The following DSCAM variants were observed in gnomAD, a reference collection of about 807,000 sequenced individuals.
The protein encoded by DSCAM is DS cell adhesion molecule.
Under a neutral mutation model 217.7 loss-of-function variants are expected in DSCAM, and 47 were observed. The ratio of observed to expected loss-of-function variants is 0.22; its 90% CI spans 0.17 to 0.28. The LOEUF (loss-of-function observed/expected upper bound fraction) is 0.28. DSCAM is among the 10% of genes least tolerant of loss of function. DSCAM has a pLI of 1.00. For missense variants in DSCAM, 2,080 were observed against 2,618.3 expected (o/e 0.79, Z 4.49); for synonymous variants, 1,056 against 1,015.3 (o/e 1.04, Z -0.76).
intron 32 of DSCAM, among the ~76,000 whole-genome samples, chr21:40,022,546 A>G (rs931549123): frequency 1.1e-4 from 17 of 152,326 alleles, no homozygotes; most frequent in African/African-American, 4.8e-5. Flanking sequence ...TTCATGGAAG[A>G]AAATAAGAGA....
At chr21:40,339,095 T>C (rs764226894) in intron 7 of DSCAM, 24 bp downstream of exon 7, 2 of 1,612,026 alleles carry the variant, frequency 1.2e-6, no homozygotes, top group East Asian at 2.2e-5. Flanking sequence ...GTGTGTTTTT[T>C]TGAGGAGCTG....
chr21:40,497,684 C>T (rs1250570839), intron 3 of DSCAM, among the ~76,000 whole-genome samples: 1 of 152,106 alleles, frequency 6.6e-6, no homozygotes, highest in Non-Finnish European at 1.5e-5. Context: ...TTTAGCCATT[C>T]CCCAATGTAT....
intron 31 of DSCAM, among the ~76,000 whole-genome samples, chr21:40,043,643 C>T (rs150832396): frequency 5.3e-5 from 8 of 152,294 alleles, no homozygotes; most frequent in African/African-American, 1.7e-4. Context: ...ACGGATCAGC[C>T]TGTGTTCCCT....
intron 1 of DSCAM, among the ~76,000 whole-genome samples, chr21:40,838,363 A>C (rs1302680395): frequency 6.6e-6 from 1 of 152,176 alleles, no homozygotes; most frequent in Non-Finnish European, 1.5e-5. Flanking sequence ...ACCTCCCAAC[A>C]GCCCCCCTCA....
intron 1 of DSCAM, among the ~76,000 whole-genome samples, chr21:40,792,050 G>A (rs1203930896): frequency 1.3e-5 from 2 of 151,910 alleles, no homozygotes; most frequent in East Asian, 1.9e-4. Flanking sequence ...GTTTTTTCCT[G>A]AGGTTTATAT....
intron 3 of DSCAM, among the ~76,000 whole-genome samples, chr21:40,523,029 A>G (rs2076371708): frequency 1.3e-5 from 2 of 152,184 alleles, no homozygotes; most frequent in South Asian, 4.1e-4. Flanking sequence ...GTATTTATTA[A>G]TTTTGTTGAC....
chr21:40,479,590 G>A (rs746403564), intron 3 of DSCAM, among the ~76,000 whole-genome samples: 8 of 152,116 alleles, frequency 5.3e-5, no homozygotes, highest in Non-Finnish European at 8.8e-5. Flanking sequence ...AGTGTGCAGG[G>A]GAACTTCCCT....
intron 3 of DSCAM, among the ~76,000 whole-genome samples, chr21:40,622,365 T>C (rs983868078): frequency 2.8e-4 from 43 of 152,188 alleles, no homozygotes; most frequent in Non-Finnish European, 1.8e-4. Flanking sequence ...TTCATTGTCT[T>C]TGAGCTATTT....
chr21:40,420,471 A>G (rs746632966), intron 3 of DSCAM, among the ~76,000 whole-genome samples: 5 of 152,170 alleles, frequency 3.3e-5, no homozygotes, highest in Non-Finnish European at 7.3e-5. Context: ...AAACTGAGGG[A>G]ATCAAGTCAA....
intron 16 of DSCAM, among the ~76,000 whole-genome samples, chr21:40,156,220 G>A (rs2090474854): frequency 6.7e-6 from 1 of 150,322 alleles, no homozygotes; most frequent in Non-Finnish European, 1.5e-5. Flanking sequence ...CCCTGGGCTG[G>A]AAGGGACACA....
chr21:40,203,560 GT>G lies in DSCAM; in HGVS notation c.2357-14323del, dbSNP rs371882111. 4.7e-4 allele frequency among the ~76,000 whole-genome samples: 71 copies of G among 152,336 alleles called. 1 individual carries two copies. The East Asian group carries it at 0.013, about 28-fold the overall frequency. Reference sequence around the variant, plus strand: ...TGGAATCAGCAGAGCTAACTTTGAGGTTTTTTGGCTCTGCCAATTGATAAGC... The same window carrying G: ...TGGAATCAGCAGAGCTAACTTTGAGGTTTTTGGCTCTGCCAATTGATAAGC... On this transcript the variant is annotated intron_variant, in intron 11 of 32. Coordinates refer to ENST00000400454, the MANE Select transcript of DSCAM (RefSeq NM_001389.5).
intron 3 of DSCAM, among the ~76,000 whole-genome samples, chr21:40,655,606 C>T (rs913871428): frequency 1.4e-4 from 22 of 151,988 alleles, no homozygotes; most frequent in Admixed American, 7.9e-4. Context: ...CCATGTCTGG[C>T]TAATTTTTTT....
intron 1 of DSCAM, among the ~76,000 whole-genome samples, chr21:40,824,718 C>T (rs942838046): frequency 3.9e-5 from 6 of 152,058 alleles, no homozygotes; most frequent in Non-Finnish European, 8.8e-5. Context: ...GGCCCCTATC[C>T]CATTTTTAGA....
At chr21:40,743,231 C>T (rs1477193353) in intron 1 of DSCAM, among the ~76,000 whole-genome samples, 1 of 152,156 alleles carries the variant, frequency 6.6e-6, no homozygotes, top group Non-Finnish European at 1.5e-5. Context: ...ATGAATGCAG[C>T]AGTGCTCCCA....
At chr21:40,156,300 AG>A (rs2090477188) in intron 16 of DSCAM, among the ~76,000 whole-genome samples, 3 of 109,306 alleles carry the variant, frequency 2.7e-5, no homozygotes, top group African/African-American at 1.8e-4. Context: ...AGAGAGAGAG[AG>A]AGAGAGAGAG....
At chr21:40,515,079 A>G (rs2076289354) in intron 3 of DSCAM, among the ~76,000 whole-genome samples, 1 of 152,240 alleles carries the variant, frequency 6.6e-6, no homozygotes, top group Admixed American at 6.5e-5. Flanking sequence ...TTCTTATTTC[A>G]GAATATTAGT....
chr21:40,373,440 G>A (rs2074919439), intron 3 of DSCAM, among the ~76,000 whole-genome samples: 1 of 152,126 alleles, frequency 6.6e-6, no homozygotes, highest in Non-Finnish European at 1.5e-5. Context: ...TGAGCCTTTG[G>A]GTTTAGGAAC....
At chr21:40,055,929 G>A (rs2089012161) in intron 28 of DSCAM, 89 bp from the exon 29 acceptor site, 3 of 914,702 alleles carry the variant, frequency 3.3e-6, no homozygotes, top group East Asian at 2.5e-5. Context: ...TTAGTTTATT[G>A]TCTAAATATA....
At chr21:40,693,395 T>G (rs2090560582) in intron 2 of DSCAM, among the ~76,000 whole-genome samples, 1 of 152,036 alleles carries the variant, frequency 6.6e-6, no homozygotes, top group Non-Finnish European at 1.5e-5. Flanking sequence ...ATCATATCAC[T>G]GCACCCAGCC....
Sources: gnomAD v4.1 joint callset for allele counts (sites outside exome capture counted in the v4.1 genomes callset) on GRCh38, gnomAD v4.1.1 for gene constraint, MANE v1.5 for transcripts, NCBI Gene and HGNC (gene_info 2026-07-23, HGNC 2026-07-21) for gene names.